ADAMTSL1: variants seen among roughly 807,000 people sequenced by gnomAD.
ADAMTSL1 encodes the protein ADAMTS-like protein 1.
A neutral mutation model predicts 201.8 loss-of-function variants in ADAMTSL1; 126 were observed. That is an observed-to-expected ratio of 0.62 (90% CI 0.54 to 0.72). The LOEUF (loss-of-function observed/expected upper bound fraction) is 0.72, where lower values mean the gene tolerates loss of function less well. Among genes scored for constraint, ADAMTSL1 ranks in the 30% least tolerant of loss-of-function variants. The pLI is 0.00. For synonymous variants in ADAMTSL1, 1,121 were observed against 903.4 expected, an observed-to-expected ratio of 1.24 and a Z score of -4.32; for missense variants, 2,679 against 2,277.8, an observed-to-expected ratio of 1.18 and a Z score of -3.59.
chr9:18,347,771 C>T (rs776676953), intron 2 of ADAMTSL1, among the ~76,000 whole-genome samples: 2 of 152,118 alleles, frequency 1.3e-5, no homozygotes, highest in African/African-American at 2.4e-5. Context: ...ATGGGTCCAC[C>T]ATTGTGCTCT....
At chr9:18,877,909 G>A (rs1467426672) in intron 23 of ADAMTSL1, among the ~76,000 whole-genome samples, 1 of 152,190 alleles carries the variant, frequency 6.6e-6, no homozygotes, top group Non-Finnish European at 1.5e-5. Context: ...GCAGGGTTAG[G>A]CGTGTCTGAG....
At chr9:18,617,768 C>T (rs1348044260) in intron 4 of ADAMTSL1, among the ~76,000 whole-genome samples, 1 of 152,000 alleles carries the variant, frequency 6.6e-6, no homozygotes, top group African/African-American at 2.4e-5. Context: ...TGCTATTTTG[C>T]CTTTCTTTAA....
intron 25 of ADAMTSL1, chr9:18,890,698 AG>A: frequency 4.8e-6 from 2 of 415,794 alleles, no homozygotes; most frequent in Non-Finnish European, 9.8e-6. Flanking sequence ...ACTGTAACAT[AG>A]CCTGGCCCGC....
chr9:18,425,938 A>G (rs747075064), intron 2 of ADAMTSL1, among the ~76,000 whole-genome samples: 2 of 151,978 alleles, frequency 1.3e-5, no homozygotes, highest in Non-Finnish European at 2.9e-5. Flanking sequence ...TAAAGGGTGA[A>G]AAGATGTTAT....
At chr9:18,146,472 G>A (rs1826647675) in intron 1 of ADAMTSL1, among the ~76,000 whole-genome samples, 1 of 152,118 alleles carries the variant, frequency 6.6e-6, no homozygotes, top group African/African-American at 2.4e-5. Flanking sequence ...GCCTGAAAAA[G>A]CTACATAGTA....
intron 2 of ADAMTSL1, among the ~76,000 whole-genome samples, chr9:18,358,288 G>T (rs537727627): frequency 1.3e-5 from 2 of 152,168 alleles, no homozygotes; most frequent in Non-Finnish European, 1.5e-5. Flanking sequence ...ATGATAGTTG[G>T]AGTCAATTAT....
intron 2 of ADAMTSL1, among the ~76,000 whole-genome samples, chr9:18,263,528 A>G (rs1006408356): frequency 3.9e-5 from 6 of 152,138 alleles, no homozygotes; most frequent in Admixed American, 1.3e-4. Context: ...TTCAGCTCTC[A>G]TTTATATGTT....
chr9:18,129,063 A>G (rs1825848884), intron 1 of ADAMTSL1, among the ~76,000 whole-genome samples: 1 of 152,198 alleles, frequency 6.6e-6, no homozygotes, highest in South Asian at 2.1e-4. Flanking sequence ...CATTTTAATA[A>G]CACCTTATTT....
chr9:17,931,685 TTTGA>T (rs1220913561), intron 1 of ADAMTSL1, among the ~76,000 whole-genome samples: 61 of 152,276 alleles, frequency 4.0e-4, no homozygotes, highest in Non-Finnish European at 4.0e-4. Context: ...CTTTAAAGTG[TTTGA>T]TTGACATTTA....
intron 2 of ADAMTSL1, among the ~76,000 whole-genome samples, chr9:18,527,402 A>G (rs1189681737): frequency 6.6e-6 from 1 of 152,222 alleles, no homozygotes; most frequent in Non-Finnish European, 1.5e-5. Context: ...AAGTCTGGCT[A>G]TGTCACCAGA....
chr9:18,243,648 G>T (rs1250021564), intron 2 of ADAMTSL1, among the ~76,000 whole-genome samples: 1 of 151,894 alleles, frequency 6.6e-6, no homozygotes, highest in African/African-American at 2.4e-5. Flanking sequence ...GTTTCCTTAA[G>T]CCTTCCTGCT....
intron 16 of ADAMTSL1, among the ~76,000 whole-genome samples, chr9:18,761,282 A>T (rs1820057804): frequency 1.3e-5 from 2 of 152,254 alleles, no homozygotes; most frequent in Admixed American, 1.3e-4. Flanking sequence ...AGAAATTTCA[A>T]TACAGGCAGA....
At chr9:18,028,449 T>C (rs893097999) in intron 1 of ADAMTSL1, among the ~76,000 whole-genome samples, 27 of 152,154 alleles carry the variant, frequency 1.8e-4, no homozygotes, top group African/African-American at 5.3e-4. Flanking sequence ...AGGTCTCCAA[T>C]CTTTTCTGGC....
intron 13 of ADAMTSL1, among the ~76,000 whole-genome samples, chr9:18,689,743 A>G (rs541940141): frequency 6.6e-6 from 1 of 152,328 alleles, no homozygotes; most frequent in South Asian, 2.1e-4. Context: ...TGGCCAAGAT[A>G]GCAATTTTAT....
chr9:18,341,054 T>C (rs78571591), intron 2 of ADAMTSL1, among the ~76,000 whole-genome samples: 6,341 of 152,162 alleles, frequency 0.042, 159 homozygotes, highest in Middle Eastern at 0.099. Context: ...ACTCTGCTGT[T>C]CTTAGGGTTT....
chr9:18,207,341 C>A (rs1829693916), intron 2 of ADAMTSL1, among the ~76,000 whole-genome samples: 1 of 152,112 alleles, frequency 6.6e-6, no homozygotes, highest in Admixed American at 6.6e-5. Context: ...GACAGTACGT[C>A]TTATAATATG....
At chr9:18,263,778 T>C (rs1329610593) in intron 2 of ADAMTSL1, among the ~76,000 whole-genome samples, 1 of 152,082 alleles carries the variant, frequency 6.6e-6, no homozygotes, top group Non-Finnish European at 1.5e-5. Flanking sequence ...AGCTGGTTGC[T>C]CTATGGACAT....
At chr9:18,839,879 GTTCT>G (rs1336793088) in intron 23 of ADAMTSL1, among the ~76,000 whole-genome samples, 8 of 148,760 alleles carry the variant, frequency 5.4e-5, no homozygotes, top group Admixed American at 1.3e-4. Flanking sequence ...TTTGGATGGG[GTTCT>G]TTGTTTTTTT....
At chr9:18,593,631 T>A (rs1824064191) in intron 4 of ADAMTSL1, among the ~76,000 whole-genome samples, 1 of 151,974 alleles carries the variant, frequency 6.6e-6, no homozygotes, top group African/African-American at 2.4e-5. Flanking sequence ...TTTCAAGAGG[T>A]TTTTCAATTT....
Sources: allele counts gnomAD v4.1 joint callset (sites outside exome capture counted in the v4.1 genomes callset), GRCh38; gene constraint gnomAD v4.1.1; transcripts MANE v1.5; gene names NCBI Gene and HGNC (gene_info 2026-07-23, HGNC 2026-07-21).